NFIL3: variants seen among roughly 807,000 people sequenced by gnomAD.
NFIL3 encodes the protein nuclear factor interleukin-3-regulated protein.
A neutral mutation model predicts 10.0 loss-of-function variants in NFIL3; 5 were observed. The observed-to-expected ratio is 0.50, with a 90% CI of 0.26 to 1.06. The LOEUF (loss-of-function observed/expected upper bound fraction) is 1.06. NFIL3 is among the 50% of genes least tolerant of loss of function. The pLI, the probability that NFIL3 is intolerant of heterozygous loss-of-function variation, is 0.13. For synonymous variants in NFIL3, 202 were observed against 206.5 expected, an observed-to-expected ratio of 0.98 and a Z score of 0.19; for missense variants, 436 against 547.6, an observed-to-expected ratio of 0.80 and a Z score of 2.03.
chr9:91,457,330 A>G, the NFIL3 span, among the ~76,000 whole-genome samples: 1 of 151,990 alleles, frequency 6.6e-6, no homozygotes, highest in Non-Finnish European at 1.5e-5. Context: ...TTTTAATAAT[A>G]TTGATTCTTC....
the NFIL3 span, among the ~76,000 whole-genome samples, chr9:91,460,359 C>T: frequency 6.0e-4 from 86 of 143,878 alleles, no homozygotes; most frequent in Non-Finnish European, 1.0e-3. Flanking sequence ...ACTGCAACCT[C>T]CATCTCCCAG....
chr9:91,448,933 A>G, the NFIL3 span, among the ~76,000 whole-genome samples: 23 of 152,302 alleles, frequency 1.5e-4, no homozygotes, highest in African/African-American at 5.5e-4. Flanking sequence ...TCAGTATACA[A>G]GTCTTTCACC....
At chr9:91,471,660 C>T in the NFIL3 span, among the ~76,000 whole-genome samples, 1 of 151,986 alleles carries the variant, frequency 6.6e-6, no homozygotes, top group Non-Finnish European at 1.5e-5. Flanking sequence ...CTATCCCTCC[C>T]CCCAAGTCTG....
the NFIL3 span, among the ~76,000 whole-genome samples, chr9:91,481,837 G>A: frequency 5.3e-5 from 8 of 151,964 alleles, no homozygotes; most frequent in East Asian, 1.9e-4. Flanking sequence ...ATCTCAGTGC[G>A]AAATAGTCAT....
the NFIL3 span, among the ~76,000 whole-genome samples, chr9:91,475,183 C>T: frequency 1.3e-5 from 2 of 152,202 alleles, no homozygotes; most frequent in Admixed American, 1.3e-4. Context: ...TTGTTCCAAC[C>T]ATTTCATGTA....
the NFIL3 span, among the ~76,000 whole-genome samples, chr9:91,483,169 G>A: frequency 3.3e-5 from 5 of 152,146 alleles, no homozygotes; most frequent in African/African-American, 1.2e-4. Flanking sequence ...TCCATTGGCT[G>A]TGGGTGGAGA....
At chr9:91,412,206 AC>A (rs1193237468) in intron 1 of NFIL3, among the ~76,000 whole-genome samples, 1 of 152,120 alleles carries the variant, frequency 6.6e-6, no homozygotes, top group African/African-American at 2.4e-5. Flanking sequence ...ATTCTTTTAA[AC>A]CAAGAGAATA....
At chr9:91,430,241 G>A in the NFIL3 span, among the ~76,000 whole-genome samples, 5 of 152,152 alleles carry the variant, frequency 3.3e-5, no homozygotes, top group South Asian at 8.3e-4. Flanking sequence ...AAGTGAGCAT[G>A]TACATCTACA....
At chr9:91,434,694 C>T in the NFIL3 span, among the ~76,000 whole-genome samples, 1 of 152,088 alleles carries the variant, frequency 6.6e-6, no homozygotes, top group Admixed American at 6.5e-5. Context: ...ATGTTAAGCA[C>T]TCTTATAAAT....
the NFIL3 span, among the ~76,000 whole-genome samples, chr9:91,463,268 G>A: frequency 6.6e-6 from 1 of 151,548 alleles, no homozygotes; most frequent in African/African-American, 2.4e-5. Context: ...GTTTCATAAG[G>A]TGGAAGCTTA....
intron 1 of NFIL3, among the ~76,000 whole-genome samples, chr9:91,415,269 T>C (rs1049448308): frequency 4.6e-5 from 7 of 152,126 alleles, no homozygotes; most frequent in Non-Finnish European, 8.8e-5. Context: ...ATGGAGATAA[T>C]AACAAAAACA....
the NFIL3 span, among the ~76,000 whole-genome samples, chr9:91,429,113 A>G: frequency 6.6e-6 from 1 of 152,262 alleles, no homozygotes; most frequent in Non-Finnish European, 1.5e-5. Flanking sequence ...AGAATAAGAC[A>G]AGACAGGTCC....
chr9:91,436,502 C>T, the NFIL3 span, among the ~76,000 whole-genome samples: 2 of 151,934 alleles, frequency 1.3e-5, no homozygotes, highest in African/African-American at 2.4e-5. Flanking sequence ...GGCGTGAATC[C>T]GGGTGGCGGA....
At chr9:91,467,844 T>A in the NFIL3 span, among the ~76,000 whole-genome samples, 13 of 152,220 alleles carry the variant, frequency 8.5e-5, no homozygotes, top group African/African-American at 3.1e-4. Context: ...GCTTCATCCA[T>A]GTCCCTATAA....
the NFIL3 span, among the ~76,000 whole-genome samples, chr9:91,441,123 T>C: frequency 6.6e-6 from 1 of 152,148 alleles, no homozygotes; most frequent in Admixed American, 6.5e-5. Context: ...CTACTATTAT[T>C]GTATTGCTGT....
the NFIL3 span, among the ~76,000 whole-genome samples, chr9:91,437,094 A>G: frequency 4.6e-5 from 7 of 152,192 alleles, no homozygotes; most frequent in Non-Finnish European, 8.8e-5. Flanking sequence ...CTGCTCTGAC[A>G]GGAGGCTGAG....
chr9:91,465,410 CCA>C, the NFIL3 span, among the ~76,000 whole-genome samples: 2 of 152,112 alleles, frequency 1.3e-5, no homozygotes, highest in Admixed American at 6.6e-5. Flanking sequence ...TTCATTTCTG[CCA>C]CAGTGTTTTT....
chr9:91,441,571 G>C, the NFIL3 span, among the ~76,000 whole-genome samples: 1 of 152,062 alleles, frequency 6.6e-6, no homozygotes, highest in Non-Finnish European at 1.5e-5. Flanking sequence ...TGGTTGTCCT[G>C]TGGATCCTTT....
the NFIL3 span, among the ~76,000 whole-genome samples, chr9:91,464,485 T>C: frequency 6.6e-6 from 1 of 152,292 alleles, no homozygotes; most frequent in African/African-American, 2.4e-5. Flanking sequence ...ATTTCATTTA[T>C]ACATATGCCA....
Sources: allele counts gnomAD v4.1 joint callset (sites outside exome capture counted in the v4.1 genomes callset), GRCh38; gene constraint gnomAD v4.1.1; transcripts MANE v1.5; gene names NCBI Gene and HGNC (gene_info 2026-07-23, HGNC 2026-07-21).